The following SLC24A2 variants were observed in gnomAD, a reference collection of about 807,000 sequenced individuals.
SLC24A2 encodes the protein solute carrier family 24 member 2, also known as sodium/potassium/calcium exchanger 2.
SLC24A2 carries 36 observed loss-of-function variants against 62.0 expected under a neutral mutation model. The ratio of observed to expected loss-of-function variants is 0.58; its 90% CI spans 0.44 to 0.77. SLC24A2 has a LOEUF of 0.77. SLC24A2 is among the 30% of genes least tolerant of loss of function. The probability of loss-of-function intolerance (pLI) is 0.00; values close to 1 mark genes in which losing one functional copy is unlikely to be tolerated. For missense variants in SLC24A2, 846 were observed against 817.9 expected (o/e 1.03, Z -0.42); for synonymous variants, 358 against 294.0 (o/e 1.22, Z -2.23).
intron 2 of SLC24A2, among the ~76,000 whole-genome samples, chr9:19,687,677 A>G (rs963664826): frequency 3.9e-5 from 6 of 152,054 alleles, no homozygotes; most frequent in Non-Finnish European, 7.4e-5. Context: ...TGACTTTGGT[A>G]CTTACTTGCT....
chr9:19,929,350 T>G, the SLC24A2 span: 1 of 152,230 alleles, frequency 6.6e-6, no homozygotes, highest in Non-Finnish European at 1.5e-5. Context: ...TAGTAGAGTC[T>G]GCTGAATTTG....
chr9:19,636,034 T>C (rs1486260970), intron 2 of SLC24A2, among the ~76,000 whole-genome samples: 2 of 152,236 alleles, frequency 1.3e-5, no homozygotes, highest in Non-Finnish European at 2.9e-5. Context: ...TAAATATATG[T>C]AATACAAAGT....
the SLC24A2 span, among the ~76,000 whole-genome samples, chr9:20,131,549 T>G: frequency 1.8e-4 from 28 of 152,126 alleles, no homozygotes; most frequent in African/African-American, 6.8e-4. Context: ...GTAGCAAAAG[T>G]CAAAGGCCTA....
At chr9:19,785,551 T>C (rs1823139424) in intron 2 of SLC24A2, among the ~76,000 whole-genome samples, 1 of 152,232 alleles carries the variant, frequency 6.6e-6, no homozygotes, top group Non-Finnish European at 1.5e-5. Flanking sequence ...CATGTGTTCA[T>C]TTAAAAAGAA....
At chr9:20,221,487 A>G in the SLC24A2 span, among the ~76,000 whole-genome samples, 1 of 152,110 alleles carries the variant, frequency 6.6e-6, no homozygotes, top group African/African-American at 2.4e-5. Context: ...AGGAGTTGTC[A>G]GATGTTAAGA....
At chr9:20,115,552 A>G in the SLC24A2 span, among the ~76,000 whole-genome samples, 20 of 152,250 alleles carry the variant, frequency 1.3e-4, no homozygotes, top group African/African-American at 4.6e-4. Flanking sequence ...GAGCCCCAAC[A>G]ATGCCTGTAC....
intron 2 of SLC24A2, among the ~76,000 whole-genome samples, chr9:19,739,930 A>C (rs1032642494): frequency 1.3e-5 from 2 of 152,212 alleles, no homozygotes; most frequent in African/African-American, 2.4e-5. Context: ...TAATATCTAT[A>C]TCCAGAATAT....
intron 2 of SLC24A2, among the ~76,000 whole-genome samples, chr9:19,681,631 T>G (rs536619913): frequency 6.6e-6 from 1 of 152,164 alleles, no homozygotes; most frequent in Non-Finnish European, 1.5e-5. Context: ...TGTCTCCATC[T>G]TCTTTGCCCC....
chr9:19,944,286 A>G, the SLC24A2 span, among the ~76,000 whole-genome samples: 1 of 152,174 alleles, frequency 6.6e-6, no homozygotes, highest in Non-Finnish European at 1.5e-5. Context: ...AAAAACGGCA[A>G]AATCAAAGTT....
At chr9:19,836,577 C>A in the SLC24A2 span, among the ~76,000 whole-genome samples, 6 of 152,118 alleles carry the variant, frequency 3.9e-5, no homozygotes, top group African/African-American at 1.2e-4. Context: ...GAAATTGAGG[C>A]AATAATGAAT....
chr9:19,874,346 T>C, the SLC24A2 span, among the ~76,000 whole-genome samples: 1 of 152,146 alleles, frequency 6.6e-6, no homozygotes, highest in African/African-American at 2.4e-5. Flanking sequence ...CCTCCACAAA[T>C]ACAGAATAGA....
chr9:19,636,367 CTTTCTTTCTTTCTTTCTTT>C lies in SLC24A2; in HGVS notation c.931-14087_931-14069del, dbSNP rs1215574787. Reference sequence around the variant, plus strand: ...TCTTTCTTTCTTTCTTTCTTTCTTTCTTTCTTTCTTTCTTTCTTTCTCCCTCTCTCTCTCTCTCTCTTTC... The same window carrying C: ...TCTTTCTTTCTTTCTTTCTTTCTTTCCTCCCTCTCTCTCTCTCTCTCTTTC... On this transcript the variant is annotated intron_variant, in intron 2 of 10. Transcript: ENST00000341998. Among the ~76,000 whole-genome samples the C allele has an allele frequency of 3.4e-4, 12 of 35,190 alleles. 3 individuals carry two copies. The highest frequency in any genetic ancestry group is 7.0e-4 in the Admixed American group (2 of 2,876). 23.1% of individuals were successfully genotyped at this position (35,190 alleles called of 152,430 possible).
At chr9:19,920,848 T>C in the SLC24A2 span, among the ~76,000 whole-genome samples, 1 of 152,058 alleles carries the variant, frequency 6.6e-6, no homozygotes, top group African/African-American at 2.4e-5. Context: ...GAAGACTGAG[T>C]GTAAAATCAT....
chr9:20,042,335 G>T, the SLC24A2 span, among the ~76,000 whole-genome samples: 8 of 152,212 alleles, frequency 5.3e-5, no homozygotes, highest in Non-Finnish European at 1.0e-4. Context: ...CACCCCTGAG[G>T]AACTCTGGAA....
chr9:20,165,613 G>T, the SLC24A2 span, among the ~76,000 whole-genome samples: 1 of 151,862 alleles, frequency 6.6e-6, no homozygotes, highest in South Asian at 2.1e-4. Flanking sequence ...TACAACCATT[G>T]CCCCCACCAT....
chr9:20,087,449 C>T, the SLC24A2 span, among the ~76,000 whole-genome samples: 1 of 152,204 alleles, frequency 6.6e-6, no homozygotes, highest in Non-Finnish European at 1.5e-5. Flanking sequence ...TGTGAAATCT[C>T]AGCCTCAAAA....
At chr9:19,535,419 T>G (rs1429394772) in intron 8 of SLC24A2, among the ~76,000 whole-genome samples, 3 of 152,218 alleles carry the variant, frequency 2.0e-5, no homozygotes, top group Non-Finnish European at 4.4e-5. Flanking sequence ...AGACATGAAG[T>G]CTTTCCTAAT....
chr9:19,640,394 GTTTAT>G (rs1818462873), intron 2 of SLC24A2, among the ~76,000 whole-genome samples: 1 of 152,094 alleles, frequency 6.6e-6, no homozygotes, highest in African/African-American at 2.4e-5. Context: ...TATTACTTGG[GTTTAT>G]TTTAAGTTGT....
At chr9:20,293,402 C>G in the SLC24A2 span, among the ~76,000 whole-genome samples, 1 of 152,194 alleles carries the variant, frequency 6.6e-6, no homozygotes, top group Non-Finnish European at 1.5e-5. Flanking sequence ...CTAGGAATTT[C>G]TCAGGGAGGC....
Sources: gnomAD v4.1 joint callset for allele counts (sites outside exome capture counted in the v4.1 genomes callset) on GRCh38, gnomAD v4.1.1 for gene constraint, MANE v1.5 for transcripts, NCBI Gene and HGNC (gene_info 2026-07-23, HGNC 2026-07-21) for gene names.